The following NRCAM variants were observed in gnomAD, a reference collection of about 807,000 sequenced individuals.
NRCAM encodes the protein NgCAM-related cell adhesion molecule.
NRCAM carries 83 observed loss-of-function variants against 156.5 expected under a neutral mutation model. The observed-to-expected ratio is 0.53, with a 90% confidence interval of 0.44 to 0.64. The LOEUF is 0.64. Ranked by LOEUF, NRCAM falls within the 30% of genes least tolerant of loss-of-function variation. The pLI, the probability that NRCAM is intolerant of heterozygous loss-of-function variation, is 0.00. For synonymous variants in NRCAM, 538 were observed against 563.9 expected (o/e 0.95, Z 0.65); for missense variants, 1,417 against 1,597.3 (o/e 0.89, Z 1.92).
At chr7:108,228,725 T>G (rs902431163) in intron 8 of NRCAM, among the ~76,000 whole-genome samples, 4 of 152,242 alleles carry the variant, frequency 2.6e-5, no homozygotes, top group African/African-American at 9.6e-5. Context: ...GGTCATTATT[T>G]CTGAATAAGA....
chr7:108,180,203 G>A lies in NRCAM; in HGVS notation c.2851+20C>T, dbSNP rs749310415. On this transcript the variant is annotated intron_variant, in intron 25 of 32. Transcript: ENST00000379028. ...CATGCCATATGTTCCTGAGATCTTA[G>A]AGACACGTCCATTCCATACCTCCTT... 8 of 1,609,620 alleles carry A rather than the reference G, an allele frequency of 5.0e-6. No homozygotes were observed. The highest frequency in any genetic ancestry group is 1.1e-5 in the South Asian group (1 of 90,780).
chr7:108,184,364 G>A, intron 21 of NRCAM, 53 bp from the exon 22 acceptor site: 3 of 1,613,398 alleles, frequency 1.9e-6, no homozygotes, highest in African/African-American at 1.3e-5. Flanking sequence ...GCGAAGAGTG[G>A]AAAACTTTTT....
chr7:108,441,285 T>C (rs1031291370), intron 1 of NRCAM, among the ~76,000 whole-genome samples: 1 of 152,232 alleles, frequency 6.6e-6, no homozygotes, highest in Admixed American at 6.5e-5. Context: ...TTAAAACTAA[T>C]AATGTACATA....
Position 108,184,388 on chromosome 7 carries a change from A to G in NRCAM, c.2233+29T>C, listed in dbSNP as rs1298408078. 2.5e-6 allele frequency: 4 copies of G among 1,613,636 alleles called. No individual in the cohort carries two copies. In the Admixed American group the frequency reaches 5.0e-5, roughly 20 times the overall value. On this transcript the variant is annotated intron_variant, in intron 21 of 32. Coordinates refer to ENST00000379028, the MANE Select transcript of NRCAM (RefSeq NM_001037132.4). Reference sequence around the variant, plus strand: ...GGAAAACTTTTTTATTATATTTCGTACCCTAGAAGTCCCGCTTTCCCGCTT... The same window carrying G: ...GGAAAACTTTTTTATTATATTTCGTGCCCTAGAAGTCCCGCTTTCCCGCTT...
chr7:108,207,589 G>A lies in NRCAM; in HGVS notation c.1146C>T (p.Cys382=), dbSNP rs754279285. 1.9e-6 allele frequency: 3 copies of A among 1,613,736 alleles called. No homozygotes were observed. Among genetic ancestry groups the A allele is most frequent in the Admixed American group, 1.7e-5 (1 of 59,986 alleles). ...LSPGEDGTLI[C]RANGNPKPRI... The stretch of plus-strand genomic sequence containing the variant: ...TGGGTTTGGGGTTGCCATTAGCTCT[G>A]CAGATCAAGGTCCCATCCTCTCCTG... Residue 382 remains cysteine (C), a synonymous_variant, in exon 13 of 33, where the codon TGC becomes TGT. Transcript: ENST00000379028.
chr7:108,368,224 A>ACCCCCCCCACCCCCC (rs2099604480), intron 2 of NRCAM, among the ~76,000 whole-genome samples: 1 of 91,058 alleles, frequency 1.1e-5, no homozygotes, highest in Non-Finnish European at 2.2e-5. Context: ...ACACTTTCAT[A>ACCCCCCCCACCCCCC]CCCCCCCCCA....
intron 22 of NRCAM, among the ~76,000 whole-genome samples, 196 bp from the exon 23 acceptor site, chr7:108,183,116 A>G (rs2064412989): frequency 1.3e-5 from 2 of 152,250 alleles, no homozygotes; most frequent in African/African-American, 4.8e-5. Flanking sequence ...TTTGGGATCA[A>G]CATTTCAAAG....
chr7:108,220,105 C>T (rs2091619541), intron 11 of NRCAM, among the ~76,000 whole-genome samples: 1 of 143,508 alleles, frequency 7.0e-6, no homozygotes, highest in Non-Finnish European at 1.5e-5. Context: ...TTTATAATAG[C>T]TGCCAAAAAA....
intron 2 of NRCAM, among the ~76,000 whole-genome samples, chr7:108,367,769 C>CTTA (rs1193278450): frequency 6.6e-6 from 1 of 152,058 alleles, no homozygotes; most frequent in Non-Finnish European, 1.5e-5. Flanking sequence ...AGAAAAAGTG[C>CTTA]TTATACAAAT....
At chr7:108,309,194 G>T (rs1355034844) in intron 3 of NRCAM, among the ~76,000 whole-genome samples, 1 of 152,218 alleles carries the variant, frequency 6.6e-6, no homozygotes, top group African/African-American at 2.4e-5. Context: ...TGTTTCAAGA[G>T]ATGTCACTTA....
At chr7:108,380,999 G>GT (rs1391399132) in intron 2 of NRCAM, among the ~76,000 whole-genome samples, 4 of 152,128 alleles carry the variant, frequency 2.6e-5, no homozygotes, top group Non-Finnish European at 5.9e-5. Context: ...GAGCTCAGGT[G>GT]TTTGAGTCCT....
chr7:108,354,949 T>C (rs1156753037), intron 2 of NRCAM, among the ~76,000 whole-genome samples: 2 of 151,850 alleles, frequency 1.3e-5, no homozygotes, highest in South Asian at 2.1e-4. Context: ...GTTATAAATG[T>C]AAACTAAAAT....
intron 3 of NRCAM, among the ~76,000 whole-genome samples, chr7:108,279,500 A>C (rs2097772721): frequency 6.6e-6 from 1 of 151,248 alleles, no homozygotes; most frequent in Non-Finnish European, 1.5e-5. Context: ...GACTTATGCA[A>C]CACTGTTTTT....
rs971240504 is a variant in NRCAM, at chr7:108,177,906, T to A, written c.2974+84A>T. On this transcript the variant is annotated intron_variant, in intron 26 of 32. Transcript: ENST00000379028. ...TATCGAAACATCACTACGTACCCCA[T>A]GAGGAGGTATAATTATTTGTCAATT... 6.3e-6 allele frequency: 8 copies of A among 1,270,602 alleles called. No homozygotes were observed. In the Admixed American group the frequency reaches 1.5e-4, roughly 25 times the overall value. 78.7% of individuals were successfully genotyped at this position (1,270,602 alleles called of 1,614,324 possible). A position where few individuals can be genotyped will look rare whatever the true frequency, so the allele number is the denominator to read the frequency against.
At chr7:108,209,672 A>G (rs2082986377) in intron 11 of NRCAM, 67 bp from the exon 12 acceptor site, 5 of 1,097,314 alleles carry the variant, frequency 4.6e-6, no homozygotes, top group Non-Finnish European at 6.6e-6. Context: ...TTGAGGATGA[A>G]TTTTCATGCA....
intron 3 of NRCAM, among the ~76,000 whole-genome samples, chr7:108,271,844 C>T (rs1357229367): frequency 6.6e-6 from 1 of 152,146 alleles, no homozygotes; most frequent in African/African-American, 2.4e-5. Context: ...CACACTCTTC[C>T]TGGCATAACA....
rs1321738956 is a variant in NRCAM, at chr7:108,234,482, T to C, written c.230+101A>G. On this transcript the variant is annotated intron_variant, in intron 6 of 32. Coordinates refer to ENST00000379028, the MANE Select transcript of NRCAM (RefSeq NM_001037132.4). ...CAACTGAAAAAGGAAGTGCTCTACA[T>C]AGTCTGCCTTGTTTGATGGAAATTC... is the stretch of plus-strand genomic sequence containing the variant. The C allele has an allele frequency of 3.3e-5, 25 of 748,112 alleles. No homozygotes were observed. In the East Asian group the frequency reaches 5.0e-4, roughly 15 times the overall value. 46.3% of individuals were successfully genotyped at this position (748,112 alleles called of 1,614,324 possible). A position where few individuals can be genotyped will look rare whatever the true frequency, so the allele number is the denominator to read the frequency against.
At chr7:108,421,579 TTCTCA>T (rs1809928411) in intron 1 of NRCAM, among the ~76,000 whole-genome samples, 1 of 152,218 alleles carries the variant, frequency 6.6e-6, no homozygotes, top group Non-Finnish European at 1.5e-5. Flanking sequence ...ATTGTCATCT[TTCTCA>T]TAAGATTACT....
At chr7:108,413,018 T>C (rs1797350547) in intron 1 of NRCAM, among the ~76,000 whole-genome samples, 1 of 152,236 alleles carries the variant, frequency 6.6e-6, no homozygotes, top group South Asian at 2.1e-4. Context: ...GGAGTTCAGA[T>C]ACTGATTTCA....
Sources: allele counts gnomAD v4.1 joint callset (sites outside exome capture counted in the v4.1 genomes callset), GRCh38; gene constraint gnomAD v4.1.1; transcripts MANE v1.5; gene names NCBI Gene and HGNC (gene_info 2026-07-23, HGNC 2026-07-21).